Variants in UGT2A1 observed in about 807,000 individuals in gnomAD.
UGT2A1 encodes UDP-glucuronosyltransferase 2A1.
UGT2A1 carries 61 observed loss-of-function variants against 45.4 expected under a neutral mutation model. That is an observed-to-expected ratio of 1.34 (90% confidence interval 1.09 to 1.66). The LOEUF is 1.66. Among genes scored for constraint, UGT2A1 ranks in the 40% most tolerant of loss-of-function variants. UGT2A1 has a pLI of 0.00. For missense variants in UGT2A1, 649 were observed against 574.3 expected (o/e 1.13, Z -1.33); for synonymous variants, 229 against 196.2 (o/e 1.17, Z -1.40).
chr4:69,600,534 G>C (rs1352966288), intron 3 of UGT2A1, among the ~76,000 whole-genome samples: 4 of 152,180 alleles, frequency 2.6e-5, no homozygotes, highest in African/African-American at 7.2e-5. Context: ...CTTTAGAGGA[G>C]CATGGCCTGA....
intron 3 of UGT2A1, among the ~76,000 whole-genome samples, chr4:69,609,856 T>C (rs1719928446): frequency 6.6e-6 from 1 of 152,178 alleles, no homozygotes; most frequent in South Asian, 2.1e-4. Context: ...AGTCACCTGA[T>C]GGAAAACTGT....
rs1293798953 is a variant in UGT2A1, at chr4:69,602,340, A to G, written c.848-2946T>C. Among the ~76,000 whole-genome samples, 2 of 137,680 alleles carry G rather than the reference A, an allele frequency of 1.5e-5. 1 individual carries two copies. The highest frequency in any genetic ancestry group is 5.8e-5 in the African/African-American group (2 of 34,250). 90.3% of individuals were successfully genotyped at this position (137,680 alleles called of 152,430 possible). A position where few individuals can be genotyped will look rare whatever the true frequency, so the allele number is the denominator to read the frequency against. ...AATGTAACCTTTATGTTAAAATAGT[A>G]AGAGCATTCTTATCAAGACGAAAAA... On this transcript the variant is annotated intron_variant, in intron 3 of 6. Coordinates refer to ENST00000286604, the MANE Select transcript of UGT2A1 (RefSeq NM_001252275.3).
At position 69,609,382 on chromosome 4, in the gene UGT2A1, T is replaced by C. The variant is rs892251077; in HGVS notation, c.848-9988A>G. On this transcript the variant is annotated intron_variant, in intron 3 of 6. Coordinates refer to ENST00000286604, the MANE Select transcript of UGT2A1 (RefSeq NM_001252275.3). The stretch of plus-strand genomic sequence containing the variant: ...TTTAATTTTTTGTTTGTTTGTGTTG[T>C]AGAGATGATGTCTCTCTCTGTTTCC... 4.6e-5 allele frequency among the ~76,000 whole-genome samples: 7 copies of C among 152,248 alleles called. No homozygotes were observed. In the East Asian group the frequency reaches 1.4e-3, roughly 29 times the overall value.
intron 6 of UGT2A1, among the ~76,000 whole-genome samples, chr4:69,590,906 G>T (rs1039347854): frequency 1.3e-5 from 2 of 151,934 alleles, no homozygotes; most frequent in African/African-American, 4.8e-5. Flanking sequence ...AATTACAATG[G>T]TCTATTCAAA....
chr4:69,601,763 G>C (rs1325835865), intron 3 of UGT2A1, among the ~76,000 whole-genome samples: 2 of 86,328 alleles, frequency 2.3e-5, no homozygotes, highest in Non-Finnish European at 4.6e-5. Context: ...GGAGACTAGA[G>C]GACAGGTCAT....
intron 2 of UGT2A1, among the ~76,000 whole-genome samples, chr4:69,641,215 C>T (rs114210762): frequency 0.037 from 5,687 of 151,818 alleles, 259 homozygotes; most frequent in African/African-American, 0.11. Context: ...TCCACTTTTA[C>T]GTAATATCTG....
intron 1 of UGT2A1, among the ~76,000 whole-genome samples, chr4:69,651,073 G>A (rs1722502912): frequency 6.6e-6 from 1 of 152,032 alleles, no homozygotes; most frequent in African/African-American, 2.4e-5. Flanking sequence ...GTGATGTGCT[G>A]ATACAGCATA....
Position 69,595,162 on chromosome 4 carries a change from C to A in UGT2A1, c.1084G>T (p.Gly362Ter). ...AGCTTTTCTTTCCCCACAGTCTTAC[C>A]AAGAAGATCATTCTGGGGTATCCAA... ...FDWIPQNDLL[G>*]HPKTKAFITH... Residue 362 changes from glycine (G) to a stop codon, truncating the protein, a stop_gained and splice_region_variant, in exon 5 of 7, where the codon GGA becomes TGA. Transcript: ENST00000286604. LOFTEE classifies it high-confidence loss of function. 1 of 1,613,800 alleles carries A rather than the reference C, an allele frequency of 6.2e-7. No homozygotes were observed. The highest frequency in any genetic ancestry group is 8.5e-7 in the Non-Finnish European group (1 of 1,179,858).
At position 69,588,838 on chromosome 4, in the gene UGT2A1, T is replaced by A. The variant is rs575789943; in HGVS notation, c.*534A>T. On this transcript the variant is annotated 3_prime_UTR_variant, in exon 7 of 7. Transcript: ENST00000286604. ...CACGTCACACTTAAAATTCATTCTC[T>A]AACTCCTGAAACATTGAGCAAGCAG... 2.6e-5 allele frequency: 4 copies of A among 152,140 alleles called. No homozygotes were observed. The highest frequency in any genetic ancestry group is 5.9e-5 in the Non-Finnish European group (4 of 68,064). The allele number at this position is 152,140 out of a possible 1,614,324, so 9.4% of individuals were successfully genotyped here.
intron 1 of UGT2A1, among the ~76,000 whole-genome samples, chr4:69,651,390 C>T (rs1432332): frequency 0.38 from 57,179 of 151,896 alleles, 11,156 homozygotes; most frequent in East Asian, 0.6. Flanking sequence ...CCTATATATA[C>T]TATGTGCACA....
chr4:69,609,122 A>G (rs1719870399), intron 3 of UGT2A1, among the ~76,000 whole-genome samples: 1 of 151,680 alleles, frequency 6.6e-6, no homozygotes, highest in Non-Finnish European at 1.5e-5. Flanking sequence ...TGCAATATAT[A>G]AAACTGGCTC....
chr4:69,608,636 G>GA (rs1332669314), intron 3 of UGT2A1, among the ~76,000 whole-genome samples: 13 of 151,610 alleles, frequency 8.6e-5, no homozygotes, highest in African/African-American at 2.9e-4. Flanking sequence ...GGGAAAAAAT[G>GA]AAAAAAATGC....
intron 3 of UGT2A1, among the ~76,000 whole-genome samples, chr4:69,600,034 C>T (rs1278238253): frequency 1.3e-5 from 2 of 152,202 alleles, no homozygotes; most frequent in South Asian, 2.1e-4. Flanking sequence ...CAAGAAGCAA[C>T]ACAGAAACTT....
At chr4:69,627,633 A>C (rs1560486936) in intron 3 of UGT2A1, among the ~76,000 whole-genome samples, 1 of 151,556 alleles carries the variant, frequency 6.6e-6, no homozygotes, top group Non-Finnish European at 1.5e-5. Context: ...GAAAAAAGAA[A>C]ATCTCCTAAG....
intron 3 of UGT2A1, among the ~76,000 whole-genome samples, chr4:69,609,763 G>A (rs1357202768): frequency 2.6e-5 from 4 of 152,154 alleles, no homozygotes; most frequent in Middle Eastern, 3.4e-3. Flanking sequence ...TTGTTCTTCT[G>A]GAACAGGAGA....
chr4:69,595,027 A>C (rs1431455393), intron 5 of UGT2A1, 135 bp downstream of exon 5: 2 of 1,282,592 alleles, frequency 1.6e-6, no homozygotes, highest in East Asian at 5.1e-5. Flanking sequence ...CAATTATGTA[A>C]TTATATCTGC....
chr4:69,607,974 A>T (rs1156869488), intron 3 of UGT2A1, among the ~76,000 whole-genome samples: 1 of 152,208 alleles, frequency 6.6e-6, no homozygotes, highest in Non-Finnish European at 1.5e-5. Context: ...TGTTGGTGGG[A>T]CTGTAAACTA....
chr4:69,600,390 T>C (rs879357107), intron 3 of UGT2A1, among the ~76,000 whole-genome samples: 1 of 152,160 alleles, frequency 6.6e-6, no homozygotes, highest in African/African-American at 2.4e-5. Context: ...ACTCAGGTTG[T>C]GGTCACAGGT....
intron 1 of UGT2A1, among the ~76,000 whole-genome samples, chr4:69,649,283 T>C (rs1365555207): frequency 6.6e-6 from 1 of 152,078 alleles, no homozygotes; most frequent in African/African-American, 2.4e-5. Flanking sequence ...ATCATAAAAT[T>C]CCTTGAGTGT....
Sources: gnomAD v4.1 joint callset for allele counts (sites outside exome capture counted in the v4.1 genomes callset) on GRCh38, gnomAD v4.1.1 for gene constraint, MANE v1.5 for transcripts, NCBI Gene and HGNC (gene_info 2026-07-23, HGNC 2026-07-21) for gene names.